The following PNLDC1 variants were observed in gnomAD, a reference collection of about 807,000 sequenced individuals.
PNLDC1 encodes the protein poly(A)-specific ribonuclease PNLDC1.
A neutral mutation model predicts 82.0 loss-of-function variants in PNLDC1; 70 were observed. The ratio of observed to expected loss-of-function variants is 0.85; its 90% CI spans 0.70 to 1.04. The LOEUF (loss-of-function observed/expected upper bound fraction) is 1.04, where lower values mean the gene tolerates loss of function less well. Ranked by LOEUF, PNLDC1 falls within the 50% of genes least tolerant of loss-of-function variation. The pLI is 0.00. For missense variants in PNLDC1, 631 were observed against 661.1 expected, an observed-to-expected ratio of 0.95 and a Z score of 0.50; for synonymous variants, 280 against 249.3, an observed-to-expected ratio of 1.12 and a Z score of -1.16.
chr6:159,799,686 G>A (rs1781163558), upstream of PNLDC1, among the ~76,000 whole-genome samples: 1 of 152,118 alleles, frequency 6.6e-6, no homozygotes, highest in African/African-American at 2.4e-5. Context: ...AGGAGTGAGT[G>A]CACGAGATAA....
Position 159,803,304 on chromosome 6 carries a change from C to T in PNLDC1, c.242C>T (p.Ala81Val). Residue 81 changes from alanine to valine, a missense_variant, in exon 4 of 19, where the codon GCA (alanine) becomes GTA (valine). Physicochemically the swap from Ala to Val is moderately conservative, Grantham distance 64. Transcript: ENST00000392167. ...LSVFSAIEGE[A>V]NKYIAHSCNF... ...GTGTTTTCCGCTATTGAAGGAGAGGCAAACAAGTATGTATCAAGAGCTTCT... is the reference window on the plus strand; with the variant it reads ...GTGTTTTCCGCTATTGAAGGAGAGGTAAACAAGTATGTATCAAGAGCTTCT... 1.2e-6 allele frequency: 2 copies of T among 1,613,636 alleles called. No individual in the cohort carries two copies. Among genetic ancestry groups the T allele is most frequent in the Non-Finnish European group, 1.7e-6 (2 of 1,179,606 alleles).
intron 12 of PNLDC1, among the ~76,000 whole-genome samples, chr6:159,815,293 C>T (rs1287642422): frequency 6.6e-6 from 1 of 152,246 alleles, no homozygotes; most frequent in Non-Finnish European, 1.5e-5. Context: ...ATACCCCACA[C>T]CGCCCCTTGA....
intron 15 of PNLDC1, among the ~76,000 whole-genome samples, chr6:159,818,118 C>T (rs1781897192): frequency 6.6e-6 from 1 of 152,144 alleles, no homozygotes; most frequent in African/African-American, 2.4e-5. Flanking sequence ...TTTGCCGGGG[C>T]CCTGCGCTCA....
rs185202846 is a variant in PNLDC1 at position 159,803,876 on chromosome 6, A to G, written c.249-89A>G. 4,378 of 1,424,678 alleles carry G rather than the reference A, an allele frequency of 3.1e-3. 7 individuals are homozygous for G. Among genetic ancestry groups the G allele is most frequent in the Non-Finnish European group, 3.6e-3 (3,783 of 1,050,216 alleles). 88.3% of individuals were successfully genotyped at this position (1,424,678 alleles called of 1,614,324 possible). A position where few individuals can be genotyped will look rare whatever the true frequency, so the allele number is the denominator to read the frequency against. On this transcript the variant is annotated intron_variant, in intron 4 of 18. Coordinates refer to ENST00000392167, the MANE Select transcript of PNLDC1 (RefSeq NM_001271862.2). ...GGCACACTCAGATTCTTCTTGCCTA[A>G]AAGAAAGAGCCCACCCTGAAGCCAG... is the stretch of plus-strand genomic sequence containing the variant.
At chr6:159,817,208 C>T in intron 15 of PNLDC1, 57 bp downstream of exon 15, 1 of 1,521,176 alleles carries the variant, frequency 6.6e-7, no homozygotes, top group Non-Finnish European at 9.1e-7. Context: ...TTTATTGAGC[C>T]CTTGCTGGAA....
At chr6:159,820,002 G>A (rs1301626317) in intron 18 of PNLDC1, among the ~76,000 whole-genome samples, 1 of 152,198 alleles carries the variant, frequency 6.6e-6, no homozygotes, top group Non-Finnish European at 1.5e-5. Context: ...GACTGTGGAG[G>A]CGAGACGCTG....
chr6:159,806,839 G>A (rs1260635510), intron 7 of PNLDC1, among the ~76,000 whole-genome samples: 7 of 150,122 alleles, frequency 4.7e-5, no homozygotes, highest in African/African-American at 1.7e-4. Flanking sequence ...TACAGTGATT[G>A]TGTCAAGGAA....
At chr6:159,805,747 A>G in intron 6 of PNLDC1, 1 of 492,878 alleles carries the variant, frequency 2.0e-6, no homozygotes, top group South Asian at 2.2e-5. Context: ...CTAGTGAAGC[A>G]GGAGGGGATT....
At chr6:159,803,405 T>G in intron 4 of PNLDC1, 95 bp downstream of exon 4, 12 of 1,153,946 alleles carry the variant, frequency 1.0e-5, no homozygotes, top group Middle Eastern at 2.0e-4. Flanking sequence ...CGATCACTTT[T>G]GCCCTGGATC....
At position 159,819,152 on chromosome 6, in the gene PNLDC1, C is replaced by G. The variant is rs775464221; in HGVS notation, c.1433+31C>G. 8 of 1,611,442 alleles carry G rather than the reference C, an allele frequency of 5.0e-6. No homozygotes were observed. In the East Asian group the frequency reaches 1.8e-4, roughly 36 times the overall value. On this transcript the variant is annotated intron_variant, in intron 17 of 18. Transcript: ENST00000392167. The surrounding 1 kb of genome is among the most constrained non-coding windows in gnomAD (Gnocchi z 4.6). ...TGCCTCTAAGTCCGCGTCCCCCACC[C>G]CTCGTGCGTTCATCCCTGTATCTCT...
chr6:159,806,103 C>T lies in PNLDC1; in HGVS notation c.562+20C>T, dbSNP rs762442657. The T allele has an allele frequency of 2.5e-6, 4 of 1,584,768 alleles. No individual in the cohort carries two copies. The highest frequency in any genetic ancestry group is 3.5e-6 in the Non-Finnish European group (4 of 1,153,566). ...TCACTGGTAGGCAGGGCCTGTTCCT[C>T]CCAACGCAGGAGCATTGGGACAGGT... On this transcript the variant is annotated intron_variant, in intron 7 of 18. Coordinates refer to ENST00000392167, the MANE Select transcript of PNLDC1 (RefSeq NM_001271862.2).
chr6:159,803,457 C>T (rs1781335201), intron 4 of PNLDC1, 147 bp downstream of exon 4: 1 of 681,574 alleles, frequency 1.5e-6, no homozygotes, highest in Non-Finnish European at 2.5e-6. Context: ...CTCACTCTGC[C>T]CTCTGCGGAT....
intron 3 of PNLDC1, 95 bp downstream of exon 3, chr6:159,801,281 A>T: frequency 2.6e-6 from 3 of 1,174,374 alleles, no homozygotes; most frequent in Non-Finnish European, 3.8e-6. Flanking sequence ...TTTTTCAAGG[A>T]TATTGAGTAT....
In PNLDC1 at chr6:159,816,032, T is replaced by C. The variant is rs748820158; in HGVS notation, c.1059T>C (p.Tyr353=). 1 of 1,606,992 alleles carries C rather than the reference T, an allele frequency of 6.2e-7. No homozygotes were observed. The highest frequency in any genetic ancestry group is 8.5e-7 in the Non-Finnish European group (1 of 1,177,178). Residue 353 remains tyrosine (Y), a splice_region_variant and synonymous_variant, in exon 13 of 19, where the codon TAT becomes TAC. Coordinates refer to ENST00000392167, the MANE Select transcript of PNLDC1 (RefSeq NM_001271862.2). The stretch of plus-strand genomic sequence containing the variant: ...TTCACGCGAGCAGGTGTGAGAAATA[T>C]GGTACGTTCCCATGAGCCCATAATC... The part of the protein sequence containing the change: ...EIVHASRCEK[Y]VETKCPHEAA...
At chr6:159,811,579 T>C in intron 10 of PNLDC1, 122 bp from the exon 11 acceptor site, 1 of 715,662 alleles carries the variant, frequency 1.4e-6, no homozygotes, top group East Asian at 2.6e-5. Flanking sequence ...TGTTTTCAAT[T>C]CCTGTTTTGT....
At chr6:159,817,223 A>G (rs1781865465) in intron 15 of PNLDC1, 72 bp downstream of exon 15, 1 of 1,335,196 alleles carries the variant, frequency 7.5e-7, no homozygotes, top group African/African-American at 1.4e-5. Flanking sequence ...CTGGAAGCCA[A>G]CACCTCTCCA....
intron 13 of PNLDC1, among the ~76,000 whole-genome samples, 183 bp downstream of exon 13, chr6:159,816,216 G>A (rs1781823199): frequency 8.9e-6 from 1 of 111,866 alleles, no homozygotes. Context: ...GGCAGCAGGG[G>A]AGGGGGAGGT....
At chr6:159,816,658 G>A (rs1221407258) in intron 14 of PNLDC1, 62 bp downstream of exon 14, 6 of 1,395,864 alleles carry the variant, frequency 4.3e-6, no homozygotes, top group Middle Eastern at 2.4e-4. Context: ...CTGAGACAGG[G>A]TCTCACTCTG....
intron 3 of PNLDC1, among the ~76,000 whole-genome samples, chr6:159,802,858 C>T (rs971157642): frequency 6.6e-6 from 1 of 152,042 alleles, no homozygotes; most frequent in Admixed American, 6.5e-5. Flanking sequence ...GTTGGGATTA[C>T]AGGCATAAGC....
Sources: gnomAD v4.1 joint callset for allele counts (sites outside exome capture counted in the v4.1 genomes callset) on GRCh38, gnomAD v4.1.1 for gene constraint, Gnocchi (gnomAD v3.1) non-coding constraint, MANE v1.5 for transcripts, NCBI Gene and HGNC (gene_info 2026-07-23, HGNC 2026-07-21) for gene names.